CCDC170: variants seen among roughly 807,000 people sequenced by gnomAD.
CCDC170 encodes the protein coiled-coil domain-containing protein 170.
Under a neutral mutation model 72.6 loss-of-function variants are expected in CCDC170, and 69 were observed. That is an observed-to-expected ratio of 0.95 (90% CI 0.78 to 1.16). The LOEUF (loss-of-function observed/expected upper bound fraction) is 1.16. Ranked by LOEUF, CCDC170 falls within the 50% of genes most tolerant of loss-of-function variation. The pLI is 0.00. For synonymous variants in CCDC170, 300 were observed against 303.9 expected (o/e 0.99, Z 0.13); for missense variants, 852 against 832.5 (o/e 1.02, Z -0.29).
At chr6:151,542,230 T>C (rs1782702772) in intron 3 of CCDC170, among the ~76,000 whole-genome samples, 1 of 152,022 alleles carries the variant, frequency 6.6e-6, no homozygotes, top group Admixed American at 6.6e-5. Context: ...TTTATTTATT[T>C]ACTTATTTAA....
At chr6:151,542,542 C>G (rs1782708595) in intron 3 of CCDC170, among the ~76,000 whole-genome samples, 1 of 152,172 alleles carries the variant, frequency 6.6e-6, no homozygotes, top group African/African-American at 2.4e-5. Flanking sequence ...TTTTAAATGG[C>G]CCATTGTATT....
chr6:151,504,614 G>A (rs758641660), intron 1 of CCDC170, among the ~76,000 whole-genome samples: 2 of 152,158 alleles, frequency 1.3e-5, no homozygotes, highest in Non-Finnish European at 2.9e-5. Flanking sequence ...ACAGTGTGCT[G>A]TAGCAGACCA....
chr6:151,499,297 TC>T lies in CCDC170; in HGVS notation c.57+5113del, dbSNP rs1425676997. On this transcript the variant is annotated intron_variant, in intron 1 of 10. Coordinates refer to ENST00000239374, the MANE Select transcript of CCDC170 (RefSeq NM_025059.4). Reference sequence around the variant, plus strand: ...TTCTAGGCACACTGTATAAGTGGAATCAGACTGTATTTGACTCTTCTAGGCA... The same window carrying T: ...TTCTAGGCACACTGTATAAGTGGAATAGACTGTATTTGACTCTTCTAGGCA... 7.1e-5 allele frequency among the ~76,000 whole-genome samples: 9 copies of T among 126,550 alleles called. 1 individual carries two copies. Among genetic ancestry groups the T allele is most frequent in the African/African-American group, 2.9e-4 (8 of 27,194 alleles). The allele number at this position is 126,550 out of a possible 152,430, so 83.0% of individuals were successfully genotyped here.
At chr6:151,553,605 C>A (rs1015157570) in intron 5 of CCDC170, among the ~76,000 whole-genome samples, 1 of 152,064 alleles carries the variant, frequency 6.6e-6, no homozygotes, top group Non-Finnish European at 1.5e-5. Flanking sequence ...ATAGCACATT[C>A]AAAAACCAGA....
intron 5 of CCDC170, among the ~76,000 whole-genome samples, chr6:151,554,602 T>A (rs1782943335): frequency 6.6e-6 from 1 of 151,980 alleles, no homozygotes; most frequent in African/African-American, 2.4e-5. Context: ...TGGGCACCTG[T>A]AATCCCAGCT....
At chr6:151,588,239 GGAA>G (rs1268854260) in intron 7 of CCDC170, among the ~76,000 whole-genome samples, 2 of 152,226 alleles carry the variant, frequency 1.3e-5, no homozygotes, top group East Asian at 1.9e-4. Flanking sequence ...GGGCCACATT[GGAA>G]GAAGAAGAAT....
At chr6:151,548,589 G>T (rs950878755) in intron 5 of CCDC170, 100 bp downstream of exon 5, 14 of 965,236 alleles carry the variant, frequency 1.5e-5, no homozygotes, top group Non-Finnish European at 2.0e-5. Flanking sequence ...TACTGATTAC[G>T]ATTTTTTTTA....
chr6:151,573,846 G>C (rs184670142), intron 6 of CCDC170, among the ~76,000 whole-genome samples: 16 of 152,320 alleles, frequency 1.1e-4, no homozygotes, highest in African/African-American at 2.9e-4. Flanking sequence ...CCTCCCACCA[G>C]GTCCCTCCCA....
chr6:151,594,544 T>C (rs1022167158), intron 8 of CCDC170, among the ~76,000 whole-genome samples: 3 of 152,158 alleles, frequency 2.0e-5, no homozygotes, highest in African/African-American at 4.8e-5. Flanking sequence ...ATTGATTCTT[T>C]TTCTCAGTGT....
intron 1 of CCDC170, among the ~76,000 whole-genome samples, chr6:151,533,523 AG>A (rs768304768): frequency 6.6e-6 from 1 of 151,654 alleles, no homozygotes; most frequent in Admixed American, 6.6e-5. Flanking sequence ...CAAAATTAGC[AG>A]GGCGTGGTGG....
At chr6:151,555,789 T>C (rs1477497512) in intron 5 of CCDC170, among the ~76,000 whole-genome samples, 1 of 152,260 alleles carries the variant, frequency 6.6e-6, no homozygotes, top group Non-Finnish European at 1.5e-5. Flanking sequence ...ACATTTATTA[T>C]GGATTTCTAA....
At chr6:151,547,397 A>G (rs1782792644) in intron 4 of CCDC170, among the ~76,000 whole-genome samples, 1 of 152,164 alleles carries the variant, frequency 6.6e-6, no homozygotes. Flanking sequence ...ACAAATCAGG[A>G]TGCAGGGATA....
intron 7 of CCDC170, among the ~76,000 whole-genome samples, chr6:151,590,742 G>A (rs1053874076): frequency 2.6e-5 from 4 of 152,120 alleles, no homozygotes; most frequent in Admixed American, 6.5e-5. Flanking sequence ...TCTCTTTGGG[G>A]TCTCGGCTTG....
rs139969975 is a variant in CCDC170 at position 151,587,235 on chromosome 6, G to T, written c.1293+1146G>T. Among the ~76,000 whole-genome samples, 481 of 152,224 alleles carry T rather than the reference G, an allele frequency of 3.2e-3. 6 individuals are homozygous for T. The highest frequency in any genetic ancestry group is 0.011 in the African/African-American group (458 of 41,548). The stretch of plus-strand genomic sequence containing the variant: ...CCCGCACTGAGGATTCGAATGTGGG[G>T]AGACTGTCAGTGATCTTTGAGAGGC... On this transcript the variant is annotated intron_variant, in intron 7 of 10. Transcript: ENST00000239374.
chr6:151,519,014 C>T (rs931897949), intron 1 of CCDC170, among the ~76,000 whole-genome samples: 9 of 152,302 alleles, frequency 5.9e-5, no homozygotes, highest in Admixed American at 5.9e-4. Flanking sequence ...CTATGTTCAG[C>T]TGTGCATGTA....
At chr6:151,554,872 G>GT (rs1173500486) in intron 5 of CCDC170, among the ~76,000 whole-genome samples, 5,686 of 102,308 alleles carry the variant, frequency 0.056, 418 homozygotes, top group African/African-American at 0.081. Flanking sequence ...TTGGACCTCA[G>GT]TTTTTTTTTT....
chr6:151,602,335 C>T (rs1776721774), intron 9 of CCDC170, among the ~76,000 whole-genome samples: 1 of 152,084 alleles, frequency 6.6e-6, no homozygotes, highest in Non-Finnish European at 1.5e-5. Context: ...CTTAAAACTA[C>T]ATAGAAATTT....
intron 9 of CCDC170, among the ~76,000 whole-genome samples, chr6:151,610,470 G>A: frequency 6.6e-6 from 1 of 152,176 alleles, no homozygotes; most frequent in Non-Finnish European, 1.5e-5. Context: ...TGCCTGGAGA[G>A]AGAGAGATGT....
At chr6:151,539,793 A>G (rs1782654130) in intron 3 of CCDC170, among the ~76,000 whole-genome samples, 2 of 152,124 alleles carry the variant, frequency 1.3e-5, no homozygotes, top group South Asian at 4.1e-4. Flanking sequence ...TCCAAAACGG[A>G]GCTCCCAGTG....
Sources: allele counts gnomAD v4.1 joint callset (sites outside exome capture counted in the v4.1 genomes callset), GRCh38; gene constraint gnomAD v4.1.1; transcripts MANE v1.5; gene names NCBI Gene and HGNC (gene_info 2026-07-23, HGNC 2026-07-21).